Variants in ANO3 observed in about 807,000 individuals in gnomAD.
ANO3 encodes the protein anoctamin 3.
A neutral mutation model predicts 144.8 loss-of-function variants in ANO3; 99 were observed. The ratio of observed to expected loss-of-function variants is 0.68; its 90% CI spans 0.58 to 0.81. The LOEUF is 0.81. Among genes scored for constraint, ANO3 ranks in the 30% least tolerant of loss-of-function variants. ANO3 has a pLI of 0.00. For synonymous variants in ANO3, 414 were observed against 392.6 expected (o/e 1.05, Z -0.64); for missense variants, 905 against 1,202.2 (o/e 0.75, Z 3.66).
intron 1 of ANO3, among the ~76,000 whole-genome samples, chr11:26,207,773 A>G (rs1331127853): frequency 6.6e-6 from 1 of 152,216 alleles, no homozygotes; most frequent in Non-Finnish European, 1.5e-5. Flanking sequence ...ACGTTTTGTA[A>G]TAGGACAACA....
chr11:26,253,519 C>T lies in ANO3; in HGVS notation c.155-56126C>T, dbSNP rs371646088. Among the ~76,000 whole-genome samples, 15 of 150,060 alleles carry T rather than the reference C, an allele frequency of 1.0e-4. No individual in the cohort carries two copies. The South Asian group carries it at 1.9e-3, about 19-fold the overall frequency. ...AACCACCATGACACAAGTTTACCTA[C>T]GTAACAAACCTGTACTTGTATCCCC... On this transcript the variant is annotated intron_variant, in intron 1 of 27. Transcript: ENST00000672621.
At chr11:26,537,794 G>T (rs1468796823) in intron 10 of ANO3, among the ~76,000 whole-genome samples, 2 of 152,180 alleles carry the variant, frequency 1.3e-5, no homozygotes, top group Admixed American at 1.3e-4. Flanking sequence ...CCTGGTTTGT[G>T]CCTACTACTT....
chr11:26,567,023 T>C, intron 14 of ANO3: 1 of 1,455,460 alleles, frequency 6.9e-7, no homozygotes, highest in Non-Finnish European at 9.1e-7. Flanking sequence ...GGTTACAAAG[T>C]TTACAGTATC....
chr11:26,207,556 C>T (rs551486025), intron 1 of ANO3, among the ~76,000 whole-genome samples: 1 of 152,112 alleles, frequency 6.6e-6, no homozygotes, highest in East Asian at 1.9e-4. Flanking sequence ...AGGTACTATT[C>T]TGCATGCTTT....
chr11:26,653,692 C>T (rs1345961895), intron 24 of ANO3, among the ~76,000 whole-genome samples: 1 of 151,862 alleles, frequency 6.6e-6, no homozygotes, highest in Non-Finnish European at 1.5e-5. Flanking sequence ...AAGGTCTCTG[C>T]TTTTTCTGCT....
chr11:26,606,334 G>A (rs1161244429), intron 17 of ANO3, among the ~76,000 whole-genome samples: 4 of 152,110 alleles, frequency 2.6e-5, no homozygotes, highest in African/African-American at 9.7e-5. Flanking sequence ...GCTGAGGAGT[G>A]TTTTACTTCC....
intron 1 of ANO3, among the ~76,000 whole-genome samples, chr11:26,194,439 G>GGTGTGTGTGTGTGTGTATGTGTGTGT (rs1472402266): frequency 1.7e-5 from 1 of 60,584 alleles, no homozygotes; most frequent in Admixed American, 1.7e-4. Flanking sequence ...GGTACATAGT[G>GGTGTGTGTGTGTGTGTATGTGTGTGT]GTGTGTGTGT....
At chr11:26,249,393 T>C (rs575914606) in intron 1 of ANO3, among the ~76,000 whole-genome samples, 8 of 152,214 alleles carry the variant, frequency 5.3e-5, no homozygotes, top group African/African-American at 1.9e-4. Flanking sequence ...TTGAAAGGGA[T>C]AGAGTGATAT....
At chr11:26,648,819 G>A (rs12278931) in intron 24 of ANO3, among the ~76,000 whole-genome samples, 31,934 of 152,088 alleles carry the variant, frequency 0.21, 3,546 homozygotes, top group East Asian at 0.33. Flanking sequence ...TTCAGGAGTA[G>A]CTTTGGGTGT....
chr11:26,565,858 T>G, intron 14 of ANO3: 1 of 1,600,944 alleles, frequency 6.2e-7, no homozygotes, highest in Non-Finnish European at 8.5e-7. Flanking sequence ...AAGGCCAACA[T>G]TGTAGGCTTC....
At chr11:26,588,400 C>T (rs924855438) in intron 14 of ANO3, among the ~76,000 whole-genome samples, 7 of 151,984 alleles carry the variant, frequency 4.6e-5, no homozygotes, top group African/African-American at 1.7e-4. Context: ...GATAAATAAG[C>T]CATTAATAAA....
intron 7 of ANO3, among the ~76,000 whole-genome samples, chr11:26,530,810 A>G (rs1266218427): frequency 6.6e-6 from 1 of 152,174 alleles, no homozygotes; most frequent in Admixed American, 6.5e-5. Context: ...TGGAGGTTGC[A>G]GTGAGCCAAG....
chr11:26,270,104 G>A (rs1230054559), intron 1 of ANO3, among the ~76,000 whole-genome samples: 1 of 152,086 alleles, frequency 6.6e-6, no homozygotes, highest in Non-Finnish European at 1.5e-5. Context: ...CAAGTATATT[G>A]TAAATATTTT....
At chr11:26,336,724 C>T (rs777940120) in intron 1 of ANO3, among the ~76,000 whole-genome samples, 3 of 144,554 alleles carry the variant, frequency 2.1e-5, no homozygotes, top group Non-Finnish European at 3.0e-5. Flanking sequence ...CTCCCTATAC[C>T]CTTATCTTAG....
chr11:26,423,802 G>C (rs1272949995), intron 1 of ANO3, among the ~76,000 whole-genome samples: 2 of 151,910 alleles, frequency 1.3e-5, no homozygotes, highest in Non-Finnish European at 2.9e-5. Context: ...CACCATCCAG[G>C]ATAGGGTACG....
chr11:26,451,251 T>C (rs4922757), intron 3 of ANO3, among the ~76,000 whole-genome samples: 142,749 of 152,172 alleles, frequency 0.94, 67,144 homozygotes, highest in East Asian at 1. Context: ...GTGGGTGCAG[T>C]GCACCCTGCA....
At chr11:26,206,227 T>C (rs1851792894) in intron 1 of ANO3, among the ~76,000 whole-genome samples, 1 of 152,186 alleles carries the variant, frequency 6.6e-6, no homozygotes, top group African/African-American at 2.4e-5. Context: ...GTGTGTAGCA[T>C]CCAGTTTATA....
chr11:26,474,690 A>G (rs1444848635), intron 4 of ANO3, among the ~76,000 whole-genome samples: 1 of 151,984 alleles, frequency 6.6e-6, no homozygotes, highest in East Asian at 1.9e-4. Context: ...AAGAAACTTA[A>G]TTTTGATTCA....
intron 1 of ANO3, among the ~76,000 whole-genome samples, chr11:26,295,067 T>C (rs1314161903): frequency 6.6e-6 from 1 of 151,398 alleles, no homozygotes; most frequent in East Asian, 2.0e-4. Flanking sequence ...CCAGGGTAAT[T>C]TGTTGTTGTT....
Sources: gnomAD v4.1 joint callset for allele counts (sites outside exome capture counted in the v4.1 genomes callset) on GRCh38, gnomAD v4.1.1 for gene constraint, MANE v1.5 for transcripts, NCBI Gene and HGNC (gene_info 2026-07-23, HGNC 2026-07-21) for gene names.